Variants in CADPS2 observed in about 807,000 individuals in gnomAD.
CADPS2 encodes the protein calcium-dependent secretion activator 2.
A neutral mutation model predicts 172.5 loss-of-function variants in CADPS2; 93 were observed. That is an observed-to-expected ratio of 0.54 (90% CI 0.46 to 0.64). The LOEUF is 0.64. CADPS2 is among the 30% of genes least tolerant of loss of function. The pLI, the probability that CADPS2 is intolerant of heterozygous loss-of-function variation, is 0.00. For missense variants in CADPS2, 1,420 were observed against 1,565.9 expected, an observed-to-expected ratio of 0.91 and a Z score of 1.57; for synonymous variants, 546 against 555.2, an observed-to-expected ratio of 0.98 and a Z score of 0.23.
At position 122,698,716 on chromosome 7, in the gene CADPS2, A is replaced by G. The variant is rs145490506; in HGVS notation, c.454-35147T>C. The G allele has an allele frequency of 3.9e-4, 628 of 1,613,812 alleles. 4 individuals are homozygous for G. The African/African-American group carries it at 7.5e-3, about 19-fold the overall frequency. On this transcript the variant is annotated intron_variant, in intron 2 of 29. Coordinates refer to ENST00000449022, the MANE Select transcript of CADPS2 (RefSeq NM_017954.11). ...CACTATAACTCCTGCCACTCTCTTCAAAGTGGAGCTTCTTCCAAAGACTCC... is the reference window on the plus strand; with the variant it reads ...CACTATAACTCCTGCCACTCTCTTCGAAGTGGAGCTTCTTCCAAAGACTCC...
intron 9 of CADPS2, among the ~76,000 whole-genome samples, chr7:122,511,489 CAAAT>C (rs1324420561): frequency 1.3e-5 from 2 of 151,946 alleles, no homozygotes; most frequent in African/African-American, 4.8e-5. Flanking sequence ...TTAAAACAAT[CAAAT>C]AAAAAAAAAC....
intron 14 of CADPS2, among the ~76,000 whole-genome samples, chr7:122,467,460 T>C (rs1168879380): frequency 6.6e-6 from 1 of 152,170 alleles, no homozygotes; most frequent in African/African-American, 2.4e-5. Context: ...GGTATTATGA[T>C]ATGATGATTT....
rs1293581275 is a variant in CADPS2 at position 122,627,422 on chromosome 7, AT to A, written c.867+1825del. On this transcript the variant is annotated intron_variant, in intron 4 of 29. Transcript: ENST00000449022. ...AAAGGTATCCTATTTTTAGAGGTAT[AT>A]TTTGCTTTCCAACCCCATCAGCTTT... Among the ~76,000 whole-genome samples the A allele has an allele frequency of 2.0e-5, 3 of 152,154 alleles. No individual in the cohort carries two copies. The East Asian group carries it at 5.8e-4, about 29-fold the overall frequency.
chr7:122,645,285 A>G (rs1274730264), intron 3 of CADPS2, among the ~76,000 whole-genome samples: 2 of 139,874 alleles, frequency 1.4e-5, no homozygotes, highest in East Asian at 2.1e-4. Flanking sequence ...ATACACACAT[A>G]TGTACATATA....
chr7:122,415,898 T>C (rs2047847589), intron 18 of CADPS2, among the ~76,000 whole-genome samples, 163 bp downstream of exon 18: 3 of 152,222 alleles, frequency 2.0e-5, no homozygotes, highest in Admixed American at 2.0e-4. Flanking sequence ...GAATGTGCAA[T>C]GGGATGTACA....
At chr7:122,341,330 C>A (rs2150940888) in intron 28 of CADPS2, among the ~76,000 whole-genome samples, 1 of 152,252 alleles carries the variant, frequency 6.6e-6, no homozygotes, top group South Asian at 2.1e-4. Context: ...GTACAAGACC[C>A]TTTATGCAAT....
intron 1 of CADPS2, among the ~76,000 whole-genome samples, chr7:122,817,099 C>T (rs1293718722): frequency 6.6e-6 from 1 of 152,142 alleles, no homozygotes; most frequent in Non-Finnish European, 1.5e-5. Flanking sequence ...ACTCAGCCCG[C>T]CTGCACCCAG....
At chr7:122,389,071 T>C (rs575306287) in intron 22 of CADPS2, among the ~76,000 whole-genome samples, 1 of 152,172 alleles carries the variant, frequency 6.6e-6, no homozygotes, top group Admixed American at 6.6e-5. Flanking sequence ...GGATAAAGAT[T>C]CTTGCAAATC....
chr7:122,563,143 A>T (rs2065965290), intron 7 of CADPS2, among the ~76,000 whole-genome samples: 1 of 152,096 alleles, frequency 6.6e-6, no homozygotes, highest in Non-Finnish European at 1.5e-5. Context: ...TATTGATTTC[A>T]TCCTTCTTAG....
At chr7:122,871,270 A>G (rs1819677468) in intron 1 of CADPS2, among the ~76,000 whole-genome samples, 1 of 151,734 alleles carries the variant, frequency 6.6e-6, no homozygotes, top group African/African-American at 2.4e-5. Flanking sequence ...TTCTCTTTTC[A>G]TTCTCAAATG....
At position 122,319,171 on chromosome 7, in the gene CADPS2, A is replaced by G. The variant is rs1359309109; in HGVS notation, c.*994T>C. On this transcript the variant is annotated 3_prime_UTR_variant, in exon 30 of 30. Transcript: ENST00000449022. ...AATATATATTTCCTCTGCTATGGAA[A>G]TATGCTGTCATAGTAATTCTTTTAA... 1 of 152,216 alleles carries G rather than the reference A, an allele frequency of 6.6e-6. No individual in the cohort carries two copies. Among genetic ancestry groups the G allele is most frequent in the Non-Finnish European group, 1.5e-5 (1 of 68,026 alleles). 9.4% of individuals were successfully genotyped at this position (152,216 alleles called of 1,614,324 possible). A position where few individuals can be genotyped will look rare whatever the true frequency, so the allele number is the denominator to read the frequency against.
At chr7:122,636,350 T>A (rs1012112969) in intron 3 of CADPS2, among the ~76,000 whole-genome samples, 6 of 152,088 alleles carry the variant, frequency 3.9e-5, no homozygotes, top group African/African-American at 1.2e-4. Context: ...CTCCTTCACT[T>A]AGGAAGCTTA....
chr7:122,481,220 C>T (rs2152262585), intron 11 of CADPS2, among the ~76,000 whole-genome samples: 1 of 137,176 alleles, frequency 7.3e-6, no homozygotes, highest in Non-Finnish European at 1.5e-5. Context: ...GGCTGGAGTG[C>T]AGTGGTGCGA....
chr7:122,491,805 T>G (rs2058312970), intron 9 of CADPS2, among the ~76,000 whole-genome samples: 1 of 152,136 alleles, frequency 6.6e-6, no homozygotes, highest in African/African-American at 2.4e-5. Context: ...AGGCTATAAA[T>G]CTCTAAGAGT....
intron 27 of CADPS2, chr7:122,354,436 T>A (rs1047295542): frequency 6.6e-6 from 1 of 152,204 alleles, no homozygotes; most frequent in African/African-American, 2.4e-5. Context: ...CCCCCTGTTA[T>A]GCAGCCTCCA....
chr7:122,814,926 T>C (rs1800940106), intron 1 of CADPS2, among the ~76,000 whole-genome samples: 1 of 152,146 alleles, frequency 6.6e-6, no homozygotes, highest in Admixed American at 6.5e-5. Context: ...TTAGACAATT[T>C]GGATTCAGGC....
intron 17 of CADPS2, among the ~76,000 whole-genome samples, chr7:122,429,307 C>T (rs2049582218): frequency 6.7e-6 from 1 of 148,212 alleles, no homozygotes; most frequent in African/African-American, 2.5e-5. Flanking sequence ...AACTAAGTTT[C>T]AATTTGGTCC....
chr7:122,833,406 A>T (rs1445550958), intron 1 of CADPS2, among the ~76,000 whole-genome samples: 1 of 152,168 alleles, frequency 6.6e-6, no homozygotes, highest in East Asian at 1.9e-4. Flanking sequence ...GCTGGAGTAC[A>T]GTGGCACAAT....
At chr7:122,810,114 G>A (rs552697886) in intron 1 of CADPS2, among the ~76,000 whole-genome samples, 1 of 152,144 alleles carries the variant, frequency 6.6e-6, no homozygotes, top group South Asian at 2.1e-4. Context: ...TTTACATCTA[G>A]CATCCGTCTG....
Sources: allele counts gnomAD v4.1 joint callset (sites outside exome capture counted in the v4.1 genomes callset), GRCh38; gene constraint gnomAD v4.1.1; transcripts MANE v1.5; gene names NCBI Gene and HGNC (gene_info 2026-07-23, HGNC 2026-07-21).